The following NRXN3 variants were observed in gnomAD, a reference collection of about 807,000 sequenced individuals.
The protein encoded by NRXN3 is neurexin 3.
In NRXN3, 32 loss-of-function variants were observed where a neutral mutation model predicts 137.6. The observed-to-expected ratio is 0.23, with a 90% confidence interval of 0.18 to 0.31. The LOEUF (loss-of-function observed/expected upper bound fraction) is 0.31. Among genes scored for constraint, NRXN3 ranks in the 10% least tolerant of loss-of-function variants. The pLI is 1.00. For synonymous variants in NRXN3, 798 were observed against 784.5 expected (o/e 1.02, Z -0.29); for missense variants, 1,574 against 2,062.5 (o/e 0.76, Z 4.59).
intron 4 of NRXN3, among the ~76,000 whole-genome samples, chr14:78,313,916 G>A (rs932234788): frequency 1.1e-4 from 17 of 151,942 alleles, no homozygotes; most frequent in Non-Finnish European, 5.9e-5. Flanking sequence ...CTTTCCTCTC[G>A]ACAGTAACAA....
At chr14:79,240,932 G>T (rs770821821) in intron 15 of NRXN3, among the ~76,000 whole-genome samples, 1 of 152,084 alleles carries the variant, frequency 6.6e-6, no homozygotes, top group Non-Finnish European at 1.5e-5. Flanking sequence ...CCCCAATAGG[G>T]TCTATGCAAT....
chr14:79,813,654 G>A (rs1027215489), intron 20 of NRXN3, among the ~76,000 whole-genome samples: 12 of 151,918 alleles, frequency 7.9e-5, no homozygotes, highest in African/African-American at 2.4e-4. Flanking sequence ...AAACCCCAAC[G>A]AAATCCAAGA....
chr14:79,166,884 C>G (rs1002781225), intron 15 of NRXN3, among the ~76,000 whole-genome samples: 1 of 151,990 alleles, frequency 6.6e-6, no homozygotes, highest in African/African-American at 2.4e-5. Context: ...ATATGGTTAT[C>G]TTTGTAAATA....
chr14:79,565,331 A>G (rs146704207), intron 16 of NRXN3, among the ~76,000 whole-genome samples: 146 of 146,154 alleles, frequency 1.0e-3, no homozygotes, highest in African/African-American at 2.4e-3. Flanking sequence ...GTGTGTATAT[A>G]TATATACATA....
chr14:79,804,434 G>A (rs1274152699), intron 19 of NRXN3, among the ~76,000 whole-genome samples: 2 of 152,016 alleles, frequency 1.3e-5, no homozygotes, highest in Admixed American at 6.6e-5. Flanking sequence ...GCCTCAAGTC[G>A]AACTACTATT....
chr14:79,003,554 AG>A lies in NRXN3; in HGVS notation c.3262+15415del, dbSNP rs1254429416. ...GTGCTTTAACATGAAACGTGAGACC[AG>A]GAAGTGGAAGACCCGTAGCCAAACT... On this transcript the variant is annotated intron_variant, in intron 15 of 20. Transcript: ENST00000335750. Among the ~76,000 whole-genome samples the A allele has an allele frequency of 3.3e-5, 5 of 152,296 alleles. No homozygotes were observed. In the East Asian group the frequency reaches 9.7e-4, roughly 29 times the overall value.
intron 15 of NRXN3, among the ~76,000 whole-genome samples, chr14:79,058,384 CA>C (rs1483722868): frequency 6.6e-6 from 1 of 151,856 alleles, no homozygotes; most frequent in Non-Finnish European, 1.5e-5. Flanking sequence ...AACAGACAAG[CA>C]GTATGTAAGT....
At chr14:78,227,163 G>T (rs2064781746) in intron 1 of NRXN3, among the ~76,000 whole-genome samples, 1 of 151,792 alleles carries the variant, frequency 6.6e-6, no homozygotes, top group Non-Finnish European at 1.5e-5. Context: ...CATGTATTTT[G>T]CCACCTTATC....
At chr14:78,746,945 A>G (rs2098610551) in intron 8 of NRXN3, among the ~76,000 whole-genome samples, 1 of 152,232 alleles carries the variant, frequency 6.6e-6, no homozygotes, top group South Asian at 2.1e-4. Context: ...ATAAAAGTAC[A>G]TGGATGCCTG....
chr14:78,756,856 A>T (rs2098670746), intron 8 of NRXN3, among the ~76,000 whole-genome samples: 1 of 152,192 alleles, frequency 6.6e-6, no homozygotes, highest in Admixed American at 6.5e-5. Context: ...GTTCTTACAA[A>T]TCCTATATTT....
chr14:79,772,876 T>C (rs996859217), intron 19 of NRXN3, among the ~76,000 whole-genome samples: 380 of 152,140 alleles, frequency 2.5e-3, no homozygotes, highest in African/African-American at 8.6e-3. Flanking sequence ...ACAACCTACT[T>C]ATCTGACAAA....
In NRXN3 at chr14:78,429,231, C is replaced by CAT. The variant is rs543834409; in HGVS notation, c.757+131384_757+131385dup. ...AGCTGGAATTAAAAGTGTGTGCAAA[C>CAT]ATATATATATATATTTTTTGTATAT... On this transcript the variant is annotated intron_variant, in intron 4 of 20. Coordinates refer to ENST00000335750, the MANE Select transcript of NRXN3 (RefSeq NM_001330195.2). 5.9e-3 allele frequency among the ~76,000 whole-genome samples: 710 copies of CAT among 119,788 alleles called. 4 individuals are homozygous for CAT. Among genetic ancestry groups the CAT allele is most frequent in the Middle Eastern group, 0.012 (3 of 260 alleles). The allele number at this position is 119,788 out of a possible 152,430, so 78.6% of individuals were successfully genotyped here.
chr14:79,754,189 A>G (rs1568123611), intron 19 of NRXN3, among the ~76,000 whole-genome samples: 2 of 151,720 alleles, frequency 1.3e-5, no homozygotes, highest in East Asian at 2.0e-4. Flanking sequence ...AACAAAAACA[A>G]AAATTATTCA....
chr14:78,456,486 T>C (rs2094704191), intron 4 of NRXN3, among the ~76,000 whole-genome samples: 1 of 152,250 alleles, frequency 6.6e-6, no homozygotes, highest in African/African-American at 2.4e-5. Flanking sequence ...ATTTTTGACT[T>C]CACACTTTTA....
intron 15 of NRXN3, among the ~76,000 whole-genome samples, chr14:79,264,522 ATGTGTGTGTGTGTGTG>A (rs34099529): frequency 1.8e-4 from 26 of 145,296 alleles, no homozygotes; most frequent in East Asian, 8.1e-4. Flanking sequence ...TGTTTACATG[ATGTGTGTGTGTGTGTG>A]TGTGTGTGTG....
chr14:78,699,176 C>T (rs753310168), intron 6 of NRXN3, among the ~76,000 whole-genome samples: 3 of 151,968 alleles, frequency 2.0e-5, no homozygotes, highest in South Asian at 2.1e-4. Context: ...GCCATGGGGG[C>T]GGAGAGGAAG....
intron 8 of NRXN3, among the ~76,000 whole-genome samples, chr14:78,780,010 G>A (rs113659682): frequency 6.6e-6 from 1 of 152,160 alleles, no homozygotes; most frequent in African/African-American, 2.4e-5. Context: ...ACAACTCTTG[G>A]GGGTGGGGAA....
At chr14:78,452,979 T>C (rs2094586602) in intron 4 of NRXN3, among the ~76,000 whole-genome samples, 1 of 152,204 alleles carries the variant, frequency 6.6e-6, no homozygotes, top group East Asian at 1.9e-4. Context: ...AAAGTTACAT[T>C]TTCTTTAGAA....
intron 8 of NRXN3, among the ~76,000 whole-genome samples, chr14:78,801,930 G>A (rs751654412): frequency 6.6e-6 from 1 of 152,090 alleles, no homozygotes; most frequent in Non-Finnish European, 1.5e-5. Flanking sequence ...GTATGTTCCA[G>A]TACAGTTACT....
Sources: gnomAD v4.1 joint callset for allele counts (sites outside exome capture counted in the v4.1 genomes callset) on GRCh38, gnomAD v4.1.1 for gene constraint, MANE v1.5 for transcripts, NCBI Gene and HGNC (gene_info 2026-07-23, HGNC 2026-07-21) for gene names.